TMEM196: variants seen among roughly 807,000 people sequenced by gnomAD.
TMEM196 encodes the protein transmembrane protein 196.
TMEM196 carries 17 observed loss-of-function variants against 20.0 expected under a neutral mutation model. The observed-to-expected ratio is 0.85, with a 90% confidence interval of 0.58 to 1.27. The LOEUF is 1.27. Among genes scored for constraint, TMEM196 ranks in the 50% most tolerant of loss-of-function variants. TMEM196 has a pLI of 0.00. For synonymous variants in TMEM196, 113 were observed against 88.9 expected (o/e 1.27, Z -1.52); for missense variants, 267 against 223.0 (o/e 1.20, Z -1.26).
chr7:19,736,325 T>G (rs1784397812), intron 1 of TMEM196, among the ~76,000 whole-genome samples: 1 of 141,266 alleles, frequency 7.1e-6, no homozygotes, highest in African/African-American at 2.6e-5. Flanking sequence ...TCGTTTCATT[T>G]GAGATCCCAC....
intron 1 of TMEM196, among the ~76,000 whole-genome samples, chr7:19,730,661 T>C (rs138480017): frequency 2.3e-3 from 346 of 152,312 alleles, no homozygotes; most frequent in Admixed American, 5.1e-3. Context: ...CCTGGATAGA[T>C]TTATTTCCAA....
rs191315899 is a variant in TMEM196, at chr7:19,743,917, A to T, written c.148-14479T>A. ...TATACATTTCTCATTGTCTCAAAAA[A>T]TCTAAAATAAGATCTTACAAGAACA... On this transcript the variant is annotated intron_variant, in intron 1 of 4. Transcript: ENST00000405844. 6.7e-3 allele frequency among the ~76,000 whole-genome samples: 1,021 copies of T among 152,282 alleles called. 8 individuals are homozygous for T. Among genetic ancestry groups the T allele is most frequent in the Non-Finnish European group, 8.6e-3 (587 of 67,982 alleles).
chr7:19,768,456 A>C (rs1785721671), intron 1 of TMEM196, among the ~76,000 whole-genome samples: 1 of 152,136 alleles, frequency 6.6e-6, no homozygotes, highest in African/African-American at 2.4e-5. Flanking sequence ...TACTAAACCT[A>C]GTCCATTCCC....
At chr7:19,758,898 T>C (rs1028916157) in intron 1 of TMEM196, among the ~76,000 whole-genome samples, 1 of 152,160 alleles carries the variant, frequency 6.6e-6, no homozygotes, top group African/African-American at 2.4e-5. Flanking sequence ...TTGCTCTCTC[T>C]TTTTTTACAG....
At chr7:19,738,577 G>A (rs527552594) in intron 1 of TMEM196, among the ~76,000 whole-genome samples, 40 of 152,012 alleles carry the variant, frequency 2.6e-4, no homozygotes, top group Admixed American at 3.3e-4. Context: ...ATTTTGGACT[G>A]GGGCAGGAAA....
chr7:19,733,309 C>G (rs1353893705), intron 1 of TMEM196, among the ~76,000 whole-genome samples: 1 of 152,130 alleles, frequency 6.6e-6, no homozygotes, highest in African/African-American at 2.4e-5. Context: ...CAGAAAGATG[C>G]AAAGATGTCA....
chr7:19,756,672 G>A (rs573106958), intron 1 of TMEM196, among the ~76,000 whole-genome samples: 1 of 150,656 alleles, frequency 6.6e-6, no homozygotes, highest in Admixed American at 6.7e-5. Context: ...AAAGACATTA[G>A]CTCACTTATA....
intron 1 of TMEM196, among the ~76,000 whole-genome samples, chr7:19,753,120 A>G (rs773685849): frequency 6.6e-6 from 1 of 152,056 alleles, no homozygotes; most frequent in African/African-American, 2.4e-5. Flanking sequence ...TATTCTTACT[A>G]TTCTCCAGGG....
chr7:19,743,447 A>C (rs181735398), intron 1 of TMEM196, among the ~76,000 whole-genome samples: 3 of 152,296 alleles, frequency 2.0e-5, no homozygotes, highest in Admixed American at 2.0e-4. Flanking sequence ...TCAGTATTAT[A>C]GTCTATATTA....
chr7:19,752,611 T>G (rs1785031679), intron 1 of TMEM196, among the ~76,000 whole-genome samples: 1 of 151,862 alleles, frequency 6.6e-6, no homozygotes. Context: ...ATGTATTTCT[T>G]TCTTTCTTTC....
Position 19,725,767 on chromosome 7 carries a change from A to G in TMEM196, c.206T>C (p.Met69Thr). The change falls in exon 3 of 5, where the codon ATG becomes ACG. Residue 69 changes from methionine to threonine, a missense_variant and splice_region_variant. Physicochemically the swap from Met to Thr is moderately conservative, Grantham distance 81. Transcript: ENST00000405844. ...GATACAGCAGGCTGAAAAGAGGATCATCTGATAAGAAAAAGAAAGGCAGCG... is the reference window on the plus strand; with the variant it reads ...GATACAGCAGGCTGAAAAGAGGATCGTCTGATAAGAAAAAGAAAGGCAGCG... ...LCAKKKSGLV[M>T]ILFSACCICG... The G allele has an allele frequency of 6.3e-7, 1 of 1,588,440 alleles. No homozygotes were observed.
At chr7:19,755,355 A>G (rs569169303) in intron 1 of TMEM196, among the ~76,000 whole-genome samples, 3 of 152,338 alleles carry the variant, frequency 2.0e-5, no homozygotes, top group African/African-American at 7.2e-5. Flanking sequence ...AGACGTGCAC[A>G]TACAAAAATT....
At chr7:19,763,112 G>A (rs1013220283) in intron 1 of TMEM196, among the ~76,000 whole-genome samples, 3 of 151,946 alleles carry the variant, frequency 2.0e-5, no homozygotes, top group African/African-American at 7.3e-5. Flanking sequence ...CTCTCTTTAG[G>A]TGATTTTGAT....
At chr7:19,736,201 A>C (rs981035022) in intron 1 of TMEM196, among the ~76,000 whole-genome samples, 2 of 151,620 alleles carry the variant, frequency 1.3e-5, no homozygotes, top group Non-Finnish European at 3.0e-5. Context: ...GGTTCAACAC[A>C]CAAAATGCAC....
chr7:19,772,221 C>G lies in TMEM196; in HGVS notation c.147+329G>C, dbSNP rs1583468960. Among the ~76,000 whole-genome samples, 6 of 148,740 alleles carry G rather than the reference C, an allele frequency of 4.0e-5. No homozygotes were observed. The South Asian group carries it at 8.8e-4, about 22-fold the overall frequency. On this transcript the variant is annotated intron_variant, in intron 1 of 4. Transcript: ENST00000405844. ...TGACAGGTGTGACACCCCCCTCCCC[C>G]CGCCTCCCAAACAGCACCACTGGGC...
At chr7:19,736,333 C>A (rs1228332200) in intron 1 of TMEM196, among the ~76,000 whole-genome samples, 1 of 137,858 alleles carries the variant, frequency 7.3e-6, no homozygotes, top group Admixed American at 7.6e-5. Flanking sequence ...TTTGAGATCC[C>A]ACTTTTCTAG....
intron 1 of TMEM196, among the ~76,000 whole-genome samples, chr7:19,734,901 A>G (rs1189456735): frequency 6.6e-6 from 1 of 152,216 alleles, no homozygotes; most frequent in African/African-American, 2.4e-5. Context: ...ATTCAGGACA[A>G]TAAATAGGGA....
intron 1 of TMEM196, among the ~76,000 whole-genome samples, chr7:19,761,332 T>C (rs1413209810): frequency 6.6e-6 from 1 of 152,250 alleles, no homozygotes; most frequent in African/African-American, 2.4e-5. Context: ...TTTTTTAAAC[T>C]GTAATGAAGG....
At chr7:19,733,759 G>A (rs1409686585) in intron 1 of TMEM196, among the ~76,000 whole-genome samples, 2 of 152,060 alleles carry the variant, frequency 1.3e-5, no homozygotes, top group African/African-American at 2.4e-5. Context: ...TGGAGAAGAG[G>A]CAGGAGCCTC....
Sources: gnomAD v4.1 joint callset for allele counts (sites outside exome capture counted in the v4.1 genomes callset) on GRCh38, gnomAD v4.1.1 for gene constraint, MANE v1.5 for transcripts, NCBI Gene and HGNC (gene_info 2026-07-23, HGNC 2026-07-21) for gene names.